ZFP14: variants seen among roughly 807,000 people sequenced by gnomAD.
ZFP14 encodes ZFP14 zinc finger protein.
A neutral mutation model predicts 54.5 loss-of-function variants in ZFP14; 22 were observed. The observed-to-expected ratio is 0.40, with a 90% confidence interval of 0.29 to 0.58. The LOEUF is 0.58. ZFP14 is among the 20% of genes least tolerant of loss of function. The pLI is 0.39. For missense variants in ZFP14, 470 were observed against 637.8 expected (o/e 0.74, Z 2.83); for synonymous variants, 159 against 204.0 (o/e 0.78, Z 1.88).
Position 36,352,183 on chromosome 19 carries a change from C to CAAA in ZFP14, c.235+8249_235+8251dup, listed in dbSNP as rs541317625. ...TGGGCAACGGAGCCAGACTCTGTCT[C>CAAA]AAAAAAAAAAAAATTCTATTAAGAT... On this transcript the variant is annotated intron_variant, in intron 4 of 4. Transcript: ENST00000270001. 3.1e-4 allele frequency among the ~76,000 whole-genome samples: 36 copies of CAAA among 116,900 alleles called. 5 individuals carry two copies. The highest frequency in any genetic ancestry group is 1.0e-3 in the African/African-American group (34 of 32,392). The allele number at this position is 116,900 out of a possible 152,430, so 76.7% of individuals were successfully genotyped here.
chr19:36,342,793 C>G (rs1002571513), intron 4 of ZFP14, among the ~76,000 whole-genome samples: 1 of 151,642 alleles, frequency 6.6e-6, no homozygotes, highest in Non-Finnish European at 1.5e-5. Flanking sequence ...TTTCTTAAAA[C>G]GGGTGAAAGG....
chr19:36,376,888 A>C (rs912489181), intron 1 of ZFP14, among the ~76,000 whole-genome samples: 2 of 152,156 alleles, frequency 1.3e-5, no homozygotes, highest in African/African-American at 2.4e-5. Context: ...AGGCAGCTTT[A>C]AGTGGCAGGT....
intron 1 of ZFP14, 113 bp from the exon 2 acceptor site, chr19:36,368,084 C>G (rs765092003): frequency 3.5e-6 from 2 of 574,844 alleles, no homozygotes; most frequent in Non-Finnish European, 5.9e-6. Flanking sequence ...CAAACTACTT[C>G]CATTGGCTTT....
chr19:36,361,174 G>A (rs1190973732), intron 3 of ZFP14, among the ~76,000 whole-genome samples: 4 of 152,120 alleles, frequency 2.6e-5, no homozygotes, highest in Non-Finnish European at 4.4e-5. Flanking sequence ...CAGGCTTTTA[G>A]ATTTTAATTT....
At chr19:36,360,346 C>A (rs1348823303) in intron 4 of ZFP14, 89 bp downstream of exon 4, 2 of 1,151,114 alleles carry the variant, frequency 1.7e-6, no homozygotes, top group East Asian at 5.1e-5. Flanking sequence ...AAGAGAGACC[C>A]CAACATCTCA....
chr19:36,356,553 C>T (rs1000608563), intron 4 of ZFP14, among the ~76,000 whole-genome samples: 8 of 152,082 alleles, frequency 5.3e-5, no homozygotes, highest in African/African-American at 1.2e-4. Flanking sequence ...CAGGTAGCCT[C>T]GCAAAACCAC....
Position 36,341,316 on chromosome 19 carries a change from C to T in ZFP14, c.510G>A (p.Lys170=). The change falls in exon 5 of 5, where the codon AAG becomes AAA. Residue 170 remains lysine (K), a synonymous_variant. Coordinates refer to ENST00000270001, the MANE Select transcript of ZFP14 (RefSeq NM_020917.3). This position sits in a 1 kb window ranked among gnomAD's most constrained non-coding sequence, Gnocchi z 4.2. The part of the protein sequence containing the change: ...TEYQIVHNGE[K]VYECKECRKT... ...TCCTACACTCCTTACACTCATACAC[C>T]TTTTCTCCATTATGAACGATCTGAT... The T allele has an allele frequency of 6.2e-7, 1 of 1,614,148 alleles. No homozygotes were observed. The highest frequency in any genetic ancestry group is 8.5e-7 in the Non-Finnish European group (1 of 1,180,044).
intron 4 of ZFP14, among the ~76,000 whole-genome samples, chr19:36,344,479 C>A (rs1247909891): frequency 6.6e-6 from 1 of 152,120 alleles, no homozygotes; most frequent in Non-Finnish European, 1.5e-5. Flanking sequence ...ATCCCAAATA[C>A]ATAATAGATA....
intron 4 of ZFP14, among the ~76,000 whole-genome samples, chr19:36,344,252 G>T (rs564870963): frequency 6.6e-6 from 1 of 152,088 alleles, no homozygotes; most frequent in Non-Finnish European, 1.5e-5. Context: ...TGATCTGCCC[G>T]CCTCGGCCTC....
chr19:36,357,581 C>T (rs1331554636), intron 4 of ZFP14, among the ~76,000 whole-genome samples: 1 of 152,130 alleles, frequency 6.6e-6, no homozygotes, highest in African/African-American at 2.4e-5. Flanking sequence ...CTTTCTTCTC[C>T]CCATTGGAAT....
intron 1 of ZFP14, among the ~76,000 whole-genome samples, chr19:36,368,947 G>A (rs1436113334): frequency 2.0e-5 from 3 of 152,114 alleles, no homozygotes; most frequent in Non-Finnish European, 2.9e-5. Context: ...GGGTTCAAGT[G>A]ATTATCCTGC....
At chr19:36,359,990 T>G (rs1006000360) in intron 4 of ZFP14, 2 of 152,246 alleles carry the variant, frequency 1.3e-5, no homozygotes, top group Non-Finnish European at 2.9e-5. Flanking sequence ...GGATCTAAAG[T>G]GAAAATCCCT....
Position 36,351,922 on chromosome 19 carries a change from G to A in ZFP14, c.235+8513C>T, listed in dbSNP as rs369949117. 1.5e-3 allele frequency among the ~76,000 whole-genome samples: 209 copies of A among 143,304 alleles called. 20 individuals carry two copies. Among genetic ancestry groups the A allele is most frequent in the African/African-American group, 4.7e-3 (185 of 39,174 alleles). The allele number at this position is 143,304 out of a possible 152,430, so 94.0% of individuals were successfully genotyped here. A position where few individuals can be genotyped will look rare whatever the true frequency, so the allele number is the denominator to read the frequency against. ...GATCCGGCCGGGTGTGGTGGCTCAC[G>A]CCTGTAATCCCAGCACTTTGGGAGG... On this transcript the variant is annotated intron_variant, in intron 4 of 4. Coordinates refer to ENST00000270001, the MANE Select transcript of ZFP14 (RefSeq NM_020917.3).
intron 4 of ZFP14, among the ~76,000 whole-genome samples, chr19:36,348,881 T>C (rs186081511): frequency 4.6e-5 from 7 of 152,204 alleles, no homozygotes; most frequent in African/African-American, 1.7e-4. Flanking sequence ...AGCTGGCTTG[T>C]ATTTTTTTTA....
Position 36,338,870 on chromosome 19 carries a change from A to G in ZFP14, c.*1354T>C, listed in dbSNP as rs1047870508. 6.6e-6 allele frequency: 1 copy of G among 152,190 alleles called. No individual in the cohort carries two copies. Among genetic ancestry groups the G allele is most frequent in the African/African-American group, 2.4e-5 (1 of 41,460 alleles). The allele number at this position is 152,190 out of a possible 1,614,324, so 9.4% of individuals were successfully genotyped here. On this transcript the variant is annotated 3_prime_UTR_variant, in exon 5 of 5. Transcript: ENST00000270001. ...TACACACACATAAATATACACAACAATATTAAATTCCTAGGTGGTTAATTT... is the reference window on the plus strand; with the variant it reads ...TACACACACATAAATATACACAACAGTATTAAATTCCTAGGTGGTTAATTT...
chr19:36,375,919 C>A (rs2031955103), intron 1 of ZFP14, among the ~76,000 whole-genome samples: 1 of 151,632 alleles, frequency 6.6e-6, no homozygotes, highest in Non-Finnish European at 1.5e-5. Context: ...TCTTAAACTC[C>A]TGACCTCGGG....
At chr19:36,365,476 C>A (rs1225633742) in intron 2 of ZFP14, among the ~76,000 whole-genome samples, 1 of 152,088 alleles carries the variant, frequency 6.6e-6, no homozygotes, top group Non-Finnish European at 1.5e-5. Context: ...AACGTGATAG[C>A]GGGAACGGCT....
At chr19:36,358,118 T>TCTA (rs200845358) in intron 4 of ZFP14, among the ~76,000 whole-genome samples, 15 of 150,376 alleles carry the variant, frequency 1.0e-4, no homozygotes, top group African/African-American at 3.7e-4. Context: ...TATCTATCTA[T>TCTA]TTTATTTTTT....
In ZFP14 at chr19:36,341,846, C is replaced by A. The variant is rs1437404846; in HGVS notation, c.236-256G>T. Among the ~76,000 whole-genome samples, 3 of 151,950 alleles carry A rather than the reference C, an allele frequency of 2.0e-5. No homozygotes were observed. Among genetic ancestry groups the A allele is most frequent in the African/African-American group, 7.3e-5 (3 of 41,366 alleles). On this transcript the variant is annotated intron_variant, in intron 4 of 4. Coordinates refer to ENST00000270001, the MANE Select transcript of ZFP14 (RefSeq NM_020917.3). The surrounding 1 kb of genome is among the most constrained non-coding windows in gnomAD (Gnocchi z 4.2). ...AAGAAAAATAGGCCCGGAGCAGGACCACTTAATTTTTTTTTTTTCTTTGGA... is the reference window on the plus strand; with the variant it reads ...AAGAAAAATAGGCCCGGAGCAGGACAACTTAATTTTTTTTTTTTCTTTGGA...
Sources: allele counts gnomAD v4.1 joint callset (sites outside exome capture counted in the v4.1 genomes callset), GRCh38; gene constraint gnomAD v4.1.1; non-coding constraint Gnocchi (gnomAD v3.1); transcripts MANE v1.5; gene names NCBI Gene and HGNC (gene_info 2026-07-23, HGNC 2026-07-21).